The following WWOX variants were observed in gnomAD, a reference collection of about 807,000 sequenced individuals.
WWOX encodes WW domain-containing oxidoreductase.
A neutral mutation model predicts 46.2 loss-of-function variants in WWOX; 69 were observed. That is an observed-to-expected ratio of 1.49 (90% confidence interval 1.23 to 1.82). The LOEUF (loss-of-function observed/expected upper bound fraction) is 1.82. Ranked by LOEUF, WWOX falls within the 40% of genes most tolerant of loss-of-function variation. The probability of loss-of-function intolerance (pLI) is 0.00; values close to 1 mark genes in which losing one functional copy is unlikely to be tolerated. For missense variants in WWOX, 919 were observed against 542.6 expected, an observed-to-expected ratio of 1.69 and a Z score of -6.89; for synonymous variants, 359 against 202.6, an observed-to-expected ratio of 1.77 and a Z score of -6.56.
At chr16:78,909,111 C>G (rs2045042703) in intron 8 of WWOX, among the ~76,000 whole-genome samples, 1 of 152,198 alleles carries the variant, frequency 6.6e-6, no homozygotes, top group South Asian at 2.1e-4. Context: ...CAACTTTGAA[C>G]AAGACAGCCT....
chr16:78,523,770 G>C (rs1228760813), intron 8 of WWOX, among the ~76,000 whole-genome samples: 1 of 152,184 alleles, frequency 6.6e-6, no homozygotes, highest in Non-Finnish European at 1.5e-5. Context: ...TCTGATTTAT[G>C]AGAGCATGAC....
At position 78,099,899 on chromosome 16, in the gene WWOX, A is replaced by C. The variant is rs1208667945; in HGVS notation, c.107+14A>C. The C allele has an allele frequency of 6.4e-7, 1 of 1,554,720 alleles. No individual in the cohort carries two copies. The highest frequency in any genetic ancestry group is 2.4e-5 in the East Asian group (1 of 41,006). ...TTACTACGCCAAGTAAGGGGGCCGC[A>C]GTGGGGCCGCGGACGCACCTGGGAC... On this transcript the variant is annotated intron_variant, in intron 1 of 8. Coordinates refer to ENST00000566780, the MANE Select transcript of WWOX (RefSeq NM_016373.4).
chr16:78,227,011 T>C (rs2037082953), intron 5 of WWOX, among the ~76,000 whole-genome samples: 1 of 152,242 alleles, frequency 6.6e-6, no homozygotes, highest in South Asian at 2.1e-4. Context: ...ACCATTGGCA[T>C]GTGCTTCTCT....
At chr16:79,026,207 A>G (rs2047638108) in intron 8 of WWOX, among the ~76,000 whole-genome samples, 1 of 151,682 alleles carries the variant, frequency 6.6e-6, no homozygotes, top group Admixed American at 6.6e-5. Flanking sequence ...CATATGCCCT[A>G]GAGGCCCTTT....
At chr16:78,592,846 A>G (rs1418544176) in intron 8 of WWOX, among the ~76,000 whole-genome samples, 1 of 152,174 alleles carries the variant, frequency 6.6e-6, no homozygotes, top group Non-Finnish European at 1.5e-5. Context: ...TTCTATCTTC[A>G]TGATAACTCG....
chr16:78,483,901 G>T (rs894924021), intron 8 of WWOX, among the ~76,000 whole-genome samples: 34 of 152,258 alleles, frequency 2.2e-4, no homozygotes, highest in African/African-American at 6.7e-4. Context: ...TCAACAGTGG[G>T]GCTTAGGGGG....
At position 78,633,266 on chromosome 16, in the gene WWOX, C is replaced by G. The variant is rs564231419; in HGVS notation, c.1056+200514C>G. ...GACAGAGCAAGATTCCATCTCAAAA[C>G]AAAACAAAACAAAAAAACAAGAAGT... On this transcript the variant is annotated intron_variant, in intron 8 of 8. Coordinates refer to ENST00000566780, the MANE Select transcript of WWOX (RefSeq NM_016373.4). Among the ~76,000 whole-genome samples the G allele has an allele frequency of 4.6e-5, 7 of 152,166 alleles. No homozygotes were observed. The South Asian group carries it at 1.5e-3, about 32-fold the overall frequency.
Position 79,038,370 on chromosome 16 carries a change from CGAAG to C in WWOX, c.1057-173233_1057-173230del, listed in dbSNP as rs1003892749. On this transcript the variant is annotated intron_variant, in intron 8 of 8. Coordinates refer to ENST00000566780, the MANE Select transcript of WWOX (RefSeq NM_016373.4). ...TTATGATACAACATTAGGTGGAAAA[CGAAG>C]GAAGAAAAATTCTGTGAGTCTAATT... Among the ~76,000 whole-genome samples, 14 of 151,370 alleles carry C rather than the reference CGAAG, an allele frequency of 9.2e-5. No homozygotes were observed. The South Asian group carries it at 1.0e-3, about 11-fold the overall frequency.
At chr16:78,737,960 A>G (rs1168552245) in intron 8 of WWOX, among the ~76,000 whole-genome samples, 2 of 152,128 alleles carry the variant, frequency 1.3e-5, no homozygotes, top group African/African-American at 4.8e-5. Context: ...CCATCCCAAG[A>G]GAAAGGCACC....
intron 5 of WWOX, among the ~76,000 whole-genome samples, chr16:78,359,334 A>G (rs1047795060): frequency 2.6e-5 from 4 of 152,214 alleles, no homozygotes; most frequent in African/African-American, 4.8e-5. Context: ...AAAAACCTCT[A>G]AAGCTCTCAG....
chr16:78,520,818 T>C (rs16947915), intron 8 of WWOX, among the ~76,000 whole-genome samples: 43,516 of 152,010 alleles, frequency 0.29, 7,757 homozygotes, highest in African/African-American at 0.49. Flanking sequence ...TCGTGGCCTC[T>C]GGAAGTCCAG....
chr16:78,732,158 C>G (rs2048985518), intron 8 of WWOX, among the ~76,000 whole-genome samples: 1 of 152,062 alleles, frequency 6.6e-6, no homozygotes, highest in Admixed American at 6.6e-5. Flanking sequence ...GCCCCCAACC[C>G]CAAAACTTGA....
intron 5 of WWOX, among the ~76,000 whole-genome samples, chr16:78,173,117 A>C (rs879115882): frequency 6.6e-6 from 1 of 152,220 alleles, no homozygotes; most frequent in Admixed American, 6.5e-5. Context: ...GCCCTGCGAT[A>C]GGTTAAGGTT....
At chr16:78,246,512 T>C (rs2037819930) in intron 5 of WWOX, among the ~76,000 whole-genome samples, 1 of 152,210 alleles carries the variant, frequency 6.6e-6, no homozygotes, top group Non-Finnish European at 1.5e-5. Context: ...TTCAGTGCCA[T>C]TTTTGGCTGA....
intron 8 of WWOX, among the ~76,000 whole-genome samples, chr16:78,597,284 A>G (rs899323359): frequency 2.6e-5 from 4 of 152,124 alleles, no homozygotes; most frequent in South Asian, 4.2e-4. Context: ...GAGTCAGTCA[A>G]TCAATTAAAC....
intron 8 of WWOX, among the ~76,000 whole-genome samples, chr16:78,765,677 TA>T (rs922575064): frequency 2.0e-5 from 3 of 150,826 alleles, no homozygotes; most frequent in East Asian, 1.9e-4. Context: ...AGACTCTGTC[TA>T]AAAAAAAAGA....
intron 8 of WWOX, among the ~76,000 whole-genome samples, chr16:78,561,584 T>G (rs1400432060): frequency 1.7e-4 from 25 of 148,846 alleles, no homozygotes; most frequent in Admixed American, 1.7e-3. Context: ...AAAGCCCCAT[T>G]TTTTTTTGAA....
At chr16:78,867,750 C>T (rs958089314) in intron 8 of WWOX, among the ~76,000 whole-genome samples, 2 of 152,014 alleles carry the variant, frequency 1.3e-5, no homozygotes, top group African/African-American at 4.8e-5. Flanking sequence ...GAGCTGTGAG[C>T]TGTAAATTGT....
intron 8 of WWOX, among the ~76,000 whole-genome samples, chr16:79,103,824 T>A (rs1294690739): frequency 6.6e-6 from 1 of 152,080 alleles, no homozygotes; most frequent in Non-Finnish European, 1.5e-5. Context: ...AGCAAAGGCA[T>A]CTTATGCCAT....
Sources: allele counts gnomAD v4.1 joint callset (sites outside exome capture counted in the v4.1 genomes callset), GRCh38; gene constraint gnomAD v4.1.1; transcripts MANE v1.5; gene names NCBI Gene and HGNC (gene_info 2026-07-23, HGNC 2026-07-21).